MPHOSPH6: variants seen among roughly 807,000 people sequenced by gnomAD.
MPHOSPH6 encodes M-phase phosphoprotein 6.
In MPHOSPH6, 25 loss-of-function variants were observed where a neutral mutation model predicts 21.8. The observed-to-expected ratio is 1.15, with a 90% CI of 0.83 to 1.60. MPHOSPH6 has a LOEUF of 1.60. Among genes scored for constraint, MPHOSPH6 ranks in the 40% most tolerant of loss-of-function variants. The pLI is 0.00. For synonymous variants in MPHOSPH6, 84 were observed against 56.5 expected, an observed-to-expected ratio of 1.49 and a Z score of -2.18; for missense variants, 269 against 181.8, an observed-to-expected ratio of 1.48 and a Z score of -2.76.
At chr16:82,153,376 T>C (rs1906328942) in intron 2 of MPHOSPH6, among the ~76,000 whole-genome samples, 2 of 152,046 alleles carry the variant, frequency 1.3e-5, no homozygotes, top group African/African-American at 2.4e-5. Context: ...AGCATATGAC[T>C]GTGATGCCTG....
At chr16:82,148,935 C>G (rs1906174863) in intron 4 of MPHOSPH6, 72 bp from the exon 5 acceptor site, 2 of 1,534,722 alleles carry the variant, frequency 1.3e-6, no homozygotes, top group South Asian at 2.4e-5. Context: ...TCAAGAATAT[C>G]AGACCAAATA....
intron 2 of MPHOSPH6, among the ~76,000 whole-genome samples, chr16:82,158,498 C>T (rs1370753947): frequency 1.2e-5 from 1 of 81,504 alleles, no homozygotes; most frequent in Admixed American, 1.6e-4. Flanking sequence ...GACTCCGTCT[C>T]AAAAAAAAAA....
chr16:82,154,893 T>A (rs1362854582), intron 2 of MPHOSPH6, among the ~76,000 whole-genome samples: 1 of 152,206 alleles, frequency 6.6e-6, no homozygotes, highest in East Asian at 1.9e-4. Flanking sequence ...ACTCATTTTA[T>A]GGCCAAAACC....
chr16:82,154,544 T>G (rs935130492), intron 2 of MPHOSPH6, among the ~76,000 whole-genome samples: 10 of 152,200 alleles, frequency 6.6e-5, no homozygotes, highest in African/African-American at 2.4e-4. Context: ...TGTAAATTTA[T>G]TCAAGGATTT....
chr16:82,158,784 A>G (rs1209327370), intron 2 of MPHOSPH6, among the ~76,000 whole-genome samples: 1 of 152,214 alleles, frequency 6.6e-6, no homozygotes, highest in East Asian at 1.9e-4. Flanking sequence ...CTTGGGCTTG[A>G]TAGCTTCCCA....
Position 82,148,561 on chromosome 16 carries a change from T to C in MPHOSPH6, c.*170A>G. 1 of 795,896 alleles carries C rather than the reference T, an allele frequency of 1.3e-6. No homozygotes were observed. Among genetic ancestry groups the C allele is most frequent in the Non-Finnish European group, 1.8e-6 (1 of 542,944 alleles). 49.3% of individuals were successfully genotyped at this position (795,896 alleles called of 1,614,324 possible). A position where few individuals can be genotyped will look rare whatever the true frequency, so the allele number is the denominator to read the frequency against. On this transcript the variant is annotated 3_prime_UTR_variant, in exon 5 of 5. Coordinates refer to ENST00000258169, the MANE Select transcript of MPHOSPH6 (RefSeq NM_005792.2). ...AATGAATACCAAGAAGCAAAGGATG[T>C]ACAACATCCATCACACATCTGTTTC... is the stretch of plus-strand genomic sequence containing the variant.
At position 82,170,211 on chromosome 16, in the gene MPHOSPH6, G is replaced by C. The variant is rs1295128486; in HGVS notation, c.-36C>G. ...GCCCAGCGCCGCACTCCGGCCGCGA[G>C]CCTCACCGCACATGCGCGGAGCCGC... On this transcript the variant is annotated 5_prime_UTR_variant, in exon 1 of 5. Transcript: ENST00000258169. 6.4e-7 allele frequency: 1 copy of C among 1,565,962 alleles called. No individual in the cohort carries two copies.
At chr16:82,153,317 A>G (rs942950979) in intron 2 of MPHOSPH6, among the ~76,000 whole-genome samples, 2 of 152,200 alleles carry the variant, frequency 1.3e-5, no homozygotes, top group Non-Finnish European at 2.9e-5. Context: ...TAATTATATA[A>G]AACAGGACAA....
intron 2 of MPHOSPH6, 42 bp downstream of exon 2, chr16:82,164,040 G>A (rs1906684726): frequency 7.4e-7 from 1 of 1,347,342 alleles, no homozygotes; most frequent in South Asian, 1.3e-5. Context: ...GTTTCCTTCT[G>A]AATGCCACAA....
At chr16:82,169,476 A>G (rs1171968005) in intron 1 of MPHOSPH6, among the ~76,000 whole-genome samples, 2 of 152,182 alleles carry the variant, frequency 1.3e-5, no homozygotes, top group Non-Finnish European at 2.9e-5. Context: ...ACTTGGACTG[A>G]GTACTTCTCT....
chr16:82,155,915 A>G (rs1567613133), intron 2 of MPHOSPH6, among the ~76,000 whole-genome samples: 2 of 152,066 alleles, frequency 1.3e-5, no homozygotes, highest in South Asian at 4.1e-4. Flanking sequence ...AAAAAAAAAA[A>G]AAAAGTTAAT....
At chr16:82,151,364 T>A (rs1240903849) in intron 3 of MPHOSPH6, 60 bp downstream of exon 3, 15 of 1,592,844 alleles carry the variant, frequency 9.4e-6, no homozygotes, top group Non-Finnish European at 1.3e-5. Flanking sequence ...TAAGCCCAAT[T>A]ATTAGCAGAA....
chr16:82,149,360 A>G lies in MPHOSPH6; in HGVS notation c.299T>C (p.Val100Ala). Residue 100 changes from valine (V) to alanine (A), a missense_variant, in exon 4 of 5, where the codon GTT becomes GCT. Transcript: ENST00000258169. Reference protein sequence around the residue: ...QMNAKHKAEEVEDETVELDVS... With the variant: ...QMNAKHKAEEAEDETVELDVS... ...ATCAAGCTCTACTGTTTCATCTTCA[A>G]CTTCTTCTGCTTTGTGCTTAGCATT... The G allele has an allele frequency of 2.5e-6, 4 of 1,613,116 alleles. No individual in the cohort carries two copies. The highest frequency in any genetic ancestry group is 3.4e-6 in the Non-Finnish European group (4 of 1,180,034).
rs1025535252 is a variant in MPHOSPH6, at chr16:82,158,561, T to G, written c.164+5521A>C. On this transcript the variant is annotated intron_variant, in intron 2 of 4. Transcript: ENST00000258169. ...TAGTCAAATAATCTAACTGCACTTG[T>G]GTGACTGAACCGAGAGATGAATTAG... 5.9e-5 allele frequency among the ~76,000 whole-genome samples: 9 copies of G among 152,012 alleles called. No individual in the cohort carries two copies. The East Asian group carries it at 1.2e-3, about 20-fold the overall frequency.
rs561886499 is a variant in MPHOSPH6, at chr16:82,159,702, G to A, written c.164+4380C>T. On this transcript the variant is annotated intron_variant, in intron 2 of 4. Transcript: ENST00000258169. ...ATTACAGGTGTGAGCCACCGTGCCC[G>A]GCCTAGGAGTTCTAAATAATTTTTA... 2.1e-3 allele frequency among the ~76,000 whole-genome samples: 325 copies of A among 152,224 alleles called. 2 individuals are homozygous for A. Among genetic ancestry groups the A allele is most frequent in the African/African-American group, 7.4e-3 (306 of 41,534 alleles).
chr16:82,148,857 C>T lies in MPHOSPH6; in HGVS notation c.357G>A (p.Glu119=), dbSNP rs949115471. ...TTTTCCCAATTGTCCCCACCAAGGTCTCATATCTGTCAAGAGGACAGGCAG... is the reference window on the plus strand; with the variant it reads ...TTTTCCCAATTGTCCCCACCAAGGTTTCATATCTGTCAAGAGGACAGGCAG... ...VSDEEMARRY[E]TLVGTIGKKF... Residue 119 remains glutamate, a synonymous_variant, in exon 5 of 5, where the codon GAG becomes GAA. Transcript: ENST00000258169. The T allele has an allele frequency of 9.3e-6, 15 of 1,614,068 alleles. No individual in the cohort carries two copies. The highest frequency in any genetic ancestry group is 1.7e-5 in the Admixed American group (1 of 60,018).
chr16:82,159,063 C>G (rs1238984005), intron 2 of MPHOSPH6, among the ~76,000 whole-genome samples: 1 of 152,170 alleles, frequency 6.6e-6, no homozygotes, highest in African/African-American at 2.4e-5. Flanking sequence ...GGAGTTGTAC[C>G]AAAGAATTAT....
rs200940514 is a variant in MPHOSPH6 at position 82,149,373 on chromosome 16, T to C, written c.286A>G (p.Lys96Glu). ...KLMLQMNAKH[K>E]AEEVEDETVE... ...GTTTCATCTTCAACTTCTTCTGCTT[T>C]GTGCTTAGCATTCATCTGAAGCATC... Residue 96 changes from lysine (K) to glutamate (E), a missense_variant, in exon 4 of 5, where the codon AAA becomes GAA. Lys to Glu is a moderately conservative substitution (Grantham distance 56). Transcript: ENST00000258169. 6.2e-7 allele frequency: 1 copy of C among 1,612,856 alleles called. No individual in the cohort carries two copies. The highest frequency in any genetic ancestry group is 8.5e-7 in the Non-Finnish European group (1 of 1,180,026).
intron 2 of MPHOSPH6, among the ~76,000 whole-genome samples, chr16:82,154,101 C>G (rs1906353417): frequency 6.6e-6 from 1 of 152,162 alleles, no homozygotes; most frequent in African/African-American, 2.4e-5. Flanking sequence ...ATCTGGGAGA[C>G]CATTTTCCAG....
Sources: gnomAD v4.1 joint callset for allele counts (sites outside exome capture counted in the v4.1 genomes callset) on GRCh38, gnomAD v4.1.1 for gene constraint, MANE v1.5 for transcripts, NCBI Gene and HGNC (gene_info 2026-07-23, HGNC 2026-07-21) for gene names.